RNF168: variants seen among roughly 807,000 people sequenced by gnomAD.
RNF168 encodes the protein E3 ubiquitin-protein ligase RNF168.
In RNF168, 34 loss-of-function variants were observed where a neutral mutation model predicts 34.9. That is an observed-to-expected ratio of 0.97 (90% CI 0.74 to 1.30). The LOEUF (loss-of-function observed/expected upper bound fraction) is 1.30, where lower values mean the gene tolerates loss of function less well. RNF168 is among the 50% of genes most tolerant of loss of function. The probability of loss-of-function intolerance (pLI) is 0.00; values close to 1 mark genes in which losing one functional copy is unlikely to be tolerated. For missense variants in RNF168, 725 were observed against 682.5 expected, an observed-to-expected ratio of 1.06 and a Z score of -0.69; for synonymous variants, 264 against 254.7, an observed-to-expected ratio of 1.04 and a Z score of -0.35.
chr3:196,480,345 G>C (rs1247049158), intron 4 of RNF168, among the ~76,000 whole-genome samples: 1 of 152,188 alleles, frequency 6.6e-6, no homozygotes, highest in East Asian at 1.9e-4. Context: ...TCATTGGTTT[G>C]AAAGTCTCCT....
At chr3:196,491,023 A>G (rs544757277) in intron 1 of RNF168, among the ~76,000 whole-genome samples, 1 of 152,348 alleles carries the variant, frequency 6.6e-6, no homozygotes, top group Non-Finnish European at 1.5e-5. Flanking sequence ...TCATTTAAAA[A>G]ATTAAAGTAA....
At chr3:196,486,272 T>C (rs921529287) in intron 3 of RNF168, among the ~76,000 whole-genome samples, 3 of 152,178 alleles carry the variant, frequency 2.0e-5, no homozygotes, top group Non-Finnish European at 4.4e-5. Flanking sequence ...ATCTCTACGA[T>C]GTTATCAAGT....
chr3:196,492,492 C>A (rs1444933103), intron 1 of RNF168, among the ~76,000 whole-genome samples: 1 of 151,114 alleles, frequency 6.6e-6, no homozygotes, highest in Non-Finnish European at 1.5e-5. Flanking sequence ...ATAAAAAGCC[C>A]AGGCAAGGTG....
intron 4 of RNF168, among the ~76,000 whole-genome samples, chr3:196,482,470 G>A (rs563708549): frequency 1.3e-5 from 2 of 152,130 alleles, no homozygotes; most frequent in Non-Finnish European, 2.9e-5. Flanking sequence ...ACCTAGGAGT[G>A]GAATTGCTGG....
chr3:196,471,749 A>G lies in RNF168; in HGVS notation c.*70T>C, dbSNP rs1732011873. On this transcript the variant is annotated 3_prime_UTR_variant, in exon 6 of 6. Transcript: ENST00000318037. ...AGCAGCATGAATGACACATGGATGAAGATTCCATGATAGGAAAGAGCTTCA... is the reference window on the plus strand; with the variant it reads ...AGCAGCATGAATGACACATGGATGAGGATTCCATGATAGGAAAGAGCTTCA... The G allele has an allele frequency of 3.0e-6, 3 of 1,000,628 alleles. No homozygotes were observed. Among genetic ancestry groups the G allele is most frequent in the Non-Finnish European group, 4.8e-6 (3 of 623,748 alleles). The allele number at this position is 1,000,628 out of a possible 1,614,324, so 62.0% of individuals were successfully genotyped here.
At chr3:196,499,847 G>A (rs1022092188) in intron 1 of RNF168, among the ~76,000 whole-genome samples, 2 of 152,188 alleles carry the variant, frequency 1.3e-5, no homozygotes, top group African/African-American at 4.8e-5. Flanking sequence ...GATTTGAATA[G>A]ATATTTCATA....
Position 196,483,826 on chromosome 3 carries a change from T to C in RNF168, c.624A>G (p.Thr208=), listed in dbSNP as rs777448857. 2 of 1,608,010 alleles carry C rather than the reference T, an allele frequency of 1.2e-6. No homozygotes were observed. Among genetic ancestry groups the C allele is most frequent in the Non-Finnish European group, 1.7e-6 (2 of 1,174,488 alleles). Residue 208 remains threonine, a synonymous_variant, in exon 4 of 6, where the codon ACA becomes ACG. Coordinates refer to ENST00000318037, the MANE Select transcript of RNF168 (RefSeq NM_152617.4). Reference sequence around the variant, plus strand: ...TCTTACTTTTCTTTTCAGACTTGGGTGTAACTGGATCAGATTTTCTGGAAT... The same window carrying C: ...TCTTACTTTTCTTTTCAGACTTGGGCGTAACTGGATCAGATTTTCTGGAAT... ...PLNSRKSDPV[T]PKSEKKSKNK... is the part of the protein sequence containing the mutation.
Position 196,484,622 on chromosome 3 carries a change from C to T in RNF168, c.559-731G>A, listed in dbSNP as rs770525086. 9.2e-4 allele frequency among the ~76,000 whole-genome samples: 139 copies of T among 151,824 alleles called. 1 individual carries two copies. Among genetic ancestry groups the T allele is most frequent in the Middle Eastern group, 6.8e-3 (2 of 292 alleles). ...TTCACCTCCCAAGTAGCTAGGACTACAGGCATGAGCCACCAGGCTTGGTTA... is the reference window on the plus strand; with the variant it reads ...TTCACCTCCCAAGTAGCTAGGACTATAGGCATGAGCCACCAGGCTTGGTTA... On this transcript the variant is annotated intron_variant, in intron 3 of 5. Coordinates refer to ENST00000318037, the MANE Select transcript of RNF168 (RefSeq NM_152617.4).
At position 196,471,950 on chromosome 3, in the gene RNF168, G is replaced by A; in HGVS notation, c.1585C>T (p.Gln529Ter). 1 of 1,613,950 alleles carries A rather than the reference G, an allele frequency of 6.2e-7. No individual in the cohort carries two copies. Among genetic ancestry groups the A allele is most frequent in the East Asian group, 2.2e-5 (1 of 44,886 alleles). The change falls in exon 6 of 6, where the codon CAG becomes TAG. Residue 529 changes from glutamine to a stop codon, truncating the protein, a stop_gained. Transcript: ENST00000318037. LOFTEE classifies it high-confidence loss of function. Reference sequence around the variant, plus strand: ...GGCATCTTTCTTCTATTAACTGACTGCTTCAACTGCATCTTTAAAGACACT... The same window carrying A: ...GGCATCTTTCTTCTATTAACTGACTACTTCAACTGCATCTTTAAAGACACT... Reference protein sequence around the residue: ...RQVSLKMQLKQSVNRRKMPNS... With the variant: ...RQVSLKMQLK
At chr3:196,498,178 G>A (rs1732790604) in intron 1 of RNF168, among the ~76,000 whole-genome samples, 1 of 152,026 alleles carries the variant, frequency 6.6e-6, no homozygotes, top group South Asian at 2.1e-4. Flanking sequence ...CTTTTTTTGA[G>A]ATGGAGTCTC....
intron 4 of RNF168, among the ~76,000 whole-genome samples, chr3:196,478,852 A>G (rs184806743): frequency 7.4e-4 from 111 of 149,246 alleles, no homozygotes; most frequent in African/African-American, 2.6e-3. Context: ...TTTTTGGTAG[A>G]GACAGGCTGA....
chr3:196,483,716 A>G (rs1349299047), intron 4 of RNF168, 54 bp downstream of exon 4: 26 of 1,488,098 alleles, frequency 1.7e-5, no homozygotes, highest in Non-Finnish European at 2.2e-5. Flanking sequence ...ATGAACAGAA[A>G]ACACTGGCAT....
intron 1 of RNF168, among the ~76,000 whole-genome samples, chr3:196,493,468 C>T (rs1247134103): frequency 2.0e-5 from 3 of 152,162 alleles, no homozygotes; most frequent in African/African-American, 7.2e-5. Flanking sequence ...GATTCTCCTG[C>T]CCTAGCCTCC....
At chr3:196,488,540 A>C in intron 2 of RNF168, 67 bp downstream of exon 2, 1 of 988,254 alleles carries the variant, frequency 1.0e-6, no homozygotes, top group Non-Finnish European at 1.6e-6. Context: ...CAAAAAACTA[A>C]ATTAAAATCT....
intron 1 of RNF168, among the ~76,000 whole-genome samples, chr3:196,492,862 C>T (rs1226053796): frequency 6.6e-6 from 1 of 151,908 alleles, no homozygotes; most frequent in Non-Finnish European, 1.5e-5. Context: ...TGAAATAGTA[C>T]GTATATCAAT....
chr3:196,478,017 G>T (rs1157891591), intron 4 of RNF168, among the ~76,000 whole-genome samples: 2 of 152,220 alleles, frequency 1.3e-5, no homozygotes, highest in African/African-American at 2.4e-5. Flanking sequence ...CCAAGAGTTT[G>T]AGGCTGCAGT....
intron 4 of RNF168, 142 bp downstream of exon 4, chr3:196,483,628 C>T (rs1271705000): frequency 2.7e-6 from 2 of 729,922 alleles, no homozygotes; most frequent in Non-Finnish European, 4.9e-6. Context: ...TAGCTCTCTC[C>T]TTTTCAATTT....
chr3:196,481,692 T>G (rs1388964088), intron 4 of RNF168, among the ~76,000 whole-genome samples: 1 of 142,874 alleles, frequency 7.0e-6, no homozygotes, highest in East Asian at 2.0e-4. Context: ...GTTTTTTTTT[T>G]TTTTTTTTTT....
In RNF168 at chr3:196,470,091, C is replaced by A. The variant is rs1731962739; in HGVS notation, c.*1728G>T. 6.6e-6 allele frequency: 1 copy of A among 152,050 alleles called. No homozygotes were observed. Among genetic ancestry groups the A allele is most frequent in the African/African-American group, 2.4e-5 (1 of 41,286 alleles). 9.4% of individuals were successfully genotyped at this position (152,050 alleles called of 1,614,324 possible). ...GTCAGTCACCCCATCCAGCCTCATC[C>A]TCATCTGGACCCATTTCTCACCACC... On this transcript the variant is annotated 3_prime_UTR_variant, in exon 6 of 6. Coordinates refer to ENST00000318037, the MANE Select transcript of RNF168 (RefSeq NM_152617.4).
Sources: allele counts gnomAD v4.1 joint callset (sites outside exome capture counted in the v4.1 genomes callset), GRCh38; gene constraint gnomAD v4.1.1; transcripts MANE v1.5; gene names NCBI Gene and HGNC (gene_info 2026-07-23, HGNC 2026-07-21).